The following ADGRB2 variants were observed in gnomAD, a reference collection of about 807,000 sequenced individuals.
ADGRB2 encodes the protein brain-specific angiogenesis inhibitor 2.
A neutral mutation model predicts 178.7 loss-of-function variants in ADGRB2; 47 were observed. The ratio of observed to expected loss-of-function variants is 0.26; its 90% CI spans 0.21 to 0.34. The LOEUF is 0.34. Ranked by LOEUF, ADGRB2 falls within the 10% of genes least tolerant of loss-of-function variation. The pLI is 1.00. For missense variants in ADGRB2, 1,584 were observed against 2,180.8 expected (o/e 0.73, Z 5.45); for synonymous variants, 870 against 912.4 (o/e 0.95, Z 0.84).
rs1429036438 is a variant in ADGRB2 at position 31,744,349 on chromosome 1, C to T, written c.931G>A (p.Ala311Thr). Reference sequence around the variant, plus strand: ...CTCCACGGGGACCACTCCTCAGCCGCCGGGTCGCCTACGAGAGAGGGACAG... The same window carrying T: ...CTCCACGGGGACCACTCCTCAGCCGTCGGGTCGCCTACGAGAGAGGGACAG... ...GLYMAQTGDP[A>T]AEEWSPWSVC... is the part of the protein sequence containing the mutation. The change falls in exon 6 of 33, where the codon GCG becomes ACG. Residue 311 changes from alanine (A) to threonine (T), a missense_variant. Transcript: ENST00000373658. The surrounding 1 kb of genome is among the most constrained non-coding windows in gnomAD (Gnocchi z 6.7). 3 of 1,550,550 alleles carry T rather than the reference C, an allele frequency of 1.9e-6. No homozygotes were observed. Among genetic ancestry groups the T allele is most frequent in the Middle Eastern group, 1.8e-4 (1 of 5,494 alleles).
Position 31,742,162 on chromosome 1 carries a change from G to A in ADGRB2, c.1308C>T (p.Ala436=). 6.2e-7 allele frequency: 1 copy of A among 1,613,378 alleles called. No individual in the cohort carries two copies. Among genetic ancestry groups the A allele is most frequent in the Non-Finnish European group, 8.5e-7 (1 of 1,179,882 alleles). Residue 436 remains alanine (A), a synonymous_variant, in exon 8 of 33, where the codon GCC becomes GCT. Transcript: ENST00000373658. ...TCCGGCTGCGCTGTTGGGTCCCATT[G>A]GCACAGGACGTGGAGCATGGGCCCC... ...GPWGPCSTSC[A]NGTQQRSRKC...
At chr1:31,734,262 T>C (rs1389542283) in intron 25 of ADGRB2, among the ~76,000 whole-genome samples, 2 of 152,218 alleles carry the variant, frequency 1.3e-5, no homozygotes, top group Admixed American at 6.5e-5. Context: ...CTTCAAATCA[T>C]GATCAAAACA....
In ADGRB2 at chr1:31,733,101, C is replaced by T. The variant is rs746831638; in HGVS notation, c.3495G>A (p.Ala1165=). 13 of 1,586,628 alleles carry T rather than the reference C, an allele frequency of 8.2e-6. No homozygotes were observed. Among genetic ancestry groups the T allele is most frequent in the Middle Eastern group, 3.4e-4 (2 of 5,936 alleles). The change falls in exon 26 of 33, where the codon GCG becomes GCA. Residue 1165 remains alanine, a synonymous_variant. Coordinates refer to ENST00000373658, the MANE Select transcript of ADGRB2 (RefSeq NM_001364857.2). This position sits in a 1 kb window ranked among gnomAD's most constrained non-coding sequence, Gnocchi z 4.3. ...WSSCVVLPLL[A]LTWMSAVLAM... ...CCAGGACGGCAGACATCCAGGTGAG[C>T]GCCAGCAGGGGCAGCACCACGCAGG...
At chr1:31,732,673 C>T in intron 26 of ADGRB2, 61 bp from the exon 27 acceptor site, 1 of 1,557,036 alleles carries the variant, frequency 6.4e-7, no homozygotes, top group Non-Finnish European at 8.8e-7. Context: ...CCACAGATGG[C>T]TGTGCTTCCC....
intron 4 of ADGRB2, among the ~76,000 whole-genome samples, chr1:31,750,719 A>G (rs1255962729): frequency 4.0e-5 from 6 of 151,404 alleles, no homozygotes; most frequent in African/African-American, 1.5e-4. Context: ...CCCCCATGGC[A>G]CCCCATCCCC....
chr1:31,752,918 T>TGGAGCCTGATGATGGGGAGGG (rs1411881778), intron 4 of ADGRB2, among the ~76,000 whole-genome samples: 3 of 152,036 alleles, frequency 2.0e-5, no homozygotes, highest in African/African-American at 7.3e-5. Context: ...ACCTCAAGGA[T>TGGAGCCTGATGATGGGGAGGG]GGAGCCTGAT....
At position 31,755,635 on chromosome 1, in the gene ADGRB2, C is replaced by A. The variant is rs1214506836; in HGVS notation, c.838+364G>T. 6.6e-6 allele frequency among the ~76,000 whole-genome samples: 1 copy of A among 152,030 alleles called. No homozygotes were observed. The highest frequency in any genetic ancestry group is 1.5e-5 in the Non-Finnish European group (1 of 67,986). ...TCATTCCCAGCCTTGGGCCTTTGTG[C>A]ACCCTTCTTGCTCTGCCTAGAATGC... is the stretch of plus-strand genomic sequence containing the variant. On this transcript the variant is annotated intron_variant, in intron 4 of 32. Transcript: ENST00000373658. The surrounding 1 kb of genome is among the most constrained non-coding windows in gnomAD (Gnocchi z 5.1).
At chr1:31,762,619 C>A (rs1275350994) in intron 1 of ADGRB2, among the ~76,000 whole-genome samples, 1 of 150,494 alleles carries the variant, frequency 6.6e-6, no homozygotes, top group Non-Finnish European at 1.5e-5. Flanking sequence ...CACCCCAACC[C>A]ATCCCACCCC....
chr1:31,742,250 T>C (rs1281346344), intron 7 of ADGRB2, 33 bp from the exon 8 acceptor site: 1 of 1,565,436 alleles, frequency 6.4e-7, no homozygotes, highest in Non-Finnish European at 8.7e-7. Context: ...GGGTGGCTGT[T>C]GAGCAGGATG....
chr1:31,734,507 C>T (rs539129346), intron 25 of ADGRB2, among the ~76,000 whole-genome samples: 1 of 152,338 alleles, frequency 6.6e-6, no homozygotes, highest in East Asian at 1.9e-4. Context: ...AGCTCCCTGA[C>T]CCTGCAGGTG....
rs1238225544 is a variant in ADGRB2 at position 31,755,958 on chromosome 1, C to T, written c.838+41G>A. ...GATGGACACCAGGGACACTGTCAGC[C>T]CCTGCAGACCCCGCCCCACCCAGGC... On this transcript the variant is annotated intron_variant, in intron 4 of 32. Transcript: ENST00000373658. The surrounding 1 kb of genome is among the most constrained non-coding windows in gnomAD (Gnocchi z 5.1). The T allele has an allele frequency of 5.3e-5, 83 of 1,564,640 alleles. No individual in the cohort carries two copies. Among genetic ancestry groups the T allele is most frequent in the Non-Finnish European group, 7.1e-5 (82 of 1,151,902 alleles).
chr1:31,736,625 A>C lies in ADGRB2; in HGVS notation c.3078T>G (p.Ile1026Met). 6.2e-7 allele frequency: 1 copy of C among 1,614,080 alleles called. No homozygotes were observed. The highest frequency in any genetic ancestry group is 8.5e-7 in the Non-Finnish European group (1 of 1,179,976). Residue 1026 changes from isoleucine to methionine, a missense_variant, in exon 21 of 33, where the codon ATT (isoleucine) becomes ATG (methionine). Ile to Met is a conservative substitution (Grantham distance 10, BLOSUM62 1). Coordinates refer to ENST00000373658, the MANE Select transcript of ADGRB2 (RefSeq NM_001364857.2). ...GAACGAGGCGGGTGCGCATCCGCCCAATGACAGCCAGGTAGGACTGCCAGG... is the reference window on the plus strand; with the variant it reads ...GAACGAGGCGGGTGCGCATCCGCCCCATGACAGCCAGGTAGGACTGCCAGG... Reference protein sequence around the residue: ...TEAWQSYLAVIGRMRTRLVRK... With the variant: ...TEAWQSYLAVMGRMRTRLVRK...
At chr1:31,760,444 C>T (rs1445672537) in intron 1 of ADGRB2, among the ~76,000 whole-genome samples, 1 of 152,196 alleles carries the variant, frequency 6.6e-6, no homozygotes, top group Non-Finnish European at 1.5e-5. Context: ...TTCCCTTCTG[C>T]ACCAATAAAG....
At chr1:31,737,554 G>C (rs1191783709) in intron 19 of ADGRB2, 23 bp from the exon 20 acceptor site, 1 of 1,612,346 alleles carries the variant, frequency 6.2e-7, no homozygotes. Flanking sequence ...AGCAGGCAGG[G>C]ACAGAGGCGC....
Position 31,755,080 on chromosome 1 carries a change from C to CTCTCCTGGGAGAGACCT in ADGRB2, c.838+918_838+919insAGGTCTCTCCCAGGAGA. 6.6e-6 allele frequency among the ~76,000 whole-genome samples: 1 copy of CTCTCCTGGGAGAGACCT among 152,318 alleles called. No homozygotes were observed. The highest frequency in any genetic ancestry group is 1.5e-5 in the Non-Finnish European group (1 of 68,018). ...CCAGAGAGAGGAGAGGCCTCCCTGT[C>CTCTCCTGGGAGAGACCT]GGTACCAGAGCTGCAGACCAGACCC... is the stretch of plus-strand genomic sequence containing the variant. On this transcript the variant is annotated intron_variant, in intron 4 of 32. Coordinates refer to ENST00000373658, the MANE Select transcript of ADGRB2 (RefSeq NM_001364857.2). The surrounding 1 kb of genome is among the most constrained non-coding windows in gnomAD (Gnocchi z 5.1).
Position 31,735,531 on chromosome 1 carries a change from T to C in ADGRB2, c.3353+49A>G. 1 of 1,589,934 alleles carries C rather than the reference T, an allele frequency of 6.3e-7. No homozygotes were observed. Among genetic ancestry groups the C allele is most frequent in the Non-Finnish European group, 8.6e-7 (1 of 1,159,430 alleles). On this transcript the variant is annotated intron_variant, in intron 24 of 32. Coordinates refer to ENST00000373658, the MANE Select transcript of ADGRB2 (RefSeq NM_001364857.2). This position sits in a 1 kb window ranked among gnomAD's most constrained non-coding sequence, Gnocchi z 6.0. ...CTCCAAGAGCACCCATGTCCCTCCC[T>C]CCCTGCACCATTTCCAGAAAGGCCA...
rs1307831675 is a variant in ADGRB2 at position 31,761,021 on chromosome 1, G to A, written c.-191+2863C>T. The A allele has an allele frequency of 1.3e-5, 2 of 151,070 alleles. No homozygotes were observed. The highest frequency in any genetic ancestry group is 2.0e-4 in the East Asian group (1 of 4,998). The allele number at this position is 151,070 out of a possible 1,614,324, so 9.4% of individuals were successfully genotyped here. A position where few individuals can be genotyped will look rare whatever the true frequency, so the allele number is the denominator to read the frequency against. On this transcript the variant is annotated intron_variant, in intron 1 of 32. Coordinates refer to ENST00000373658, the MANE Select transcript of ADGRB2 (RefSeq NM_001364857.2). The surrounding 1 kb of genome is among the most constrained non-coding windows in gnomAD (Gnocchi z 4.2). ...CAAGGGGCAGCCCTCGGCCCCTGGG[G>A]GCGGTGCCGCGCGGGCGGCGGGGGA...
intron 20 of ADGRB2, 116 bp from the exon 21 acceptor site, chr1:31,736,839 C>T: frequency 6.9e-7 from 1 of 1,443,032 alleles, no homozygotes; most frequent in Non-Finnish European, 9.2e-7. Flanking sequence ...AGCCCCGCCC[C>T]CCACAGAGCC....
Position 31,737,468 on chromosome 1 carries a change from G to A in ADGRB2, c.2940C>T (p.Asn980=), listed in dbSNP as rs1645679440. The A allele has an allele frequency of 5.6e-6, 9 of 1,614,072 alleles. No homozygotes were observed. Among genetic ancestry groups the A allele is most frequent in the Non-Finnish European group, 7.6e-6 (9 of 1,180,034 alleles). ...LNFCLSILAS[N]ILILVGQSRV... is the part of the protein sequence containing the mutation. ...GGGACTGGCCCACGAGGATCAGGAT[G>A]TTGGATGCCAAGATGGACAGGCAGA... is the stretch of plus-strand genomic sequence containing the variant. The change falls in exon 20 of 33, where the codon AAC becomes AAT. Residue 980 remains asparagine, a synonymous_variant. Transcript: ENST00000373658.
Sources: gnomAD v4.1 joint callset for allele counts (sites outside exome capture counted in the v4.1 genomes callset) on GRCh38, gnomAD v4.1.1 for gene constraint, Gnocchi (gnomAD v3.1) non-coding constraint, MANE v1.5 for transcripts, NCBI Gene and HGNC (gene_info 2026-07-23, HGNC 2026-07-21) for gene names.